The following ELF1 variants were observed in gnomAD, a reference collection of about 807,000 sequenced individuals.
The protein encoded by ELF1 is E74 like ETS transcription factor 1.
In ELF1, 24 loss-of-function variants were observed where a neutral mutation model predicts 59.9. The ratio of observed to expected loss-of-function variants is 0.40; its 90% CI spans 0.29 to 0.56. The LOEUF is 0.56. ELF1 is among the 20% of genes least tolerant of loss of function. ELF1 has a pLI of 0.44. For missense variants in ELF1, 627 were observed against 742.2 expected (o/e 0.84, Z 1.80); for synonymous variants, 248 against 266.2 (o/e 0.93, Z 0.67).
chr13:40,944,300 T>C (rs1203457551), intron 5 of ELF1, among the ~76,000 whole-genome samples: 1 of 152,242 alleles, frequency 6.6e-6, no homozygotes, highest in African/African-American at 2.4e-5. Context: ...AAATAAGCCA[T>C]ACAGTTTTGT....
At position 40,949,571 on chromosome 13, in the gene ELF1, T is replaced by TCTCAAACTCCTGGC. The variant is rs573442713; in HGVS notation, c.529+221_529+234dup. ...GGTCTTGCTTTGTTGCCCAGGCTGG[T>TCTCAAACTCCTGGC]CTCAAACTCCTGGCCTCAAACAATC... On this transcript the variant is annotated intron_variant, in intron 5 of 8. Coordinates refer to ENST00000239882, the MANE Select transcript of ELF1 (RefSeq NM_172373.4). 3.6e-3 allele frequency among the ~76,000 whole-genome samples: 545 copies of TCTCAAACTCCTGGC among 152,096 alleles called. 4 individuals carry two copies. The highest frequency in any genetic ancestry group is 4.7e-3 in the Non-Finnish European group (321 of 67,984).
At chr13:40,940,418 A>AAAAAAC (rs878999576) in intron 8 of ELF1, among the ~76,000 whole-genome samples, 1 of 140,662 alleles carries the variant, frequency 7.1e-6, no homozygotes, top group African/African-American at 2.8e-5. Flanking sequence ...AAAAAAAAAA[A>AAAAAAC]CAAACCTACT....
At chr13:40,990,292 C>CT (rs1873775840) in intron 1 of ELF1, among the ~76,000 whole-genome samples, 1 of 152,014 alleles carries the variant, frequency 6.6e-6, no homozygotes, top group South Asian at 2.1e-4. Flanking sequence ...ATGAGTAAGA[C>CT]TAAGATATTT....
At chr13:40,993,637 C>T (rs1430061810) in intron 1 of ELF1, among the ~76,000 whole-genome samples, 3 of 152,036 alleles carry the variant, frequency 2.0e-5, no homozygotes, top group African/African-American at 7.3e-5. Context: ...TGTACTACCA[C>T]ACCTGACTAA....
chr13:40,982,130 C>A lies in ELF1; in HGVS notation c.-76G>T. On this transcript the variant is annotated 5_prime_UTR_variant, in exon 2 of 9. Coordinates refer to ENST00000239882, the MANE Select transcript of ELF1 (RefSeq NM_172373.4). ...CGTATCAGGCAGCAAAATCCAGTGA[C>A]TGATTTGGGTAAAAAACCCTCAGCT... 1 of 1,569,016 alleles carries A rather than the reference C, an allele frequency of 6.4e-7. No homozygotes were observed. Among genetic ancestry groups the A allele is most frequent in the Non-Finnish European group, 8.6e-7 (1 of 1,158,980 alleles).
rs201718981 is a variant in ELF1, at chr13:41,053,704, C to T, written c.-229+7134G>A. Among the ~76,000 whole-genome samples, 169 of 152,222 alleles carry T rather than the reference C, an allele frequency of 1.1e-3. 1 individual carries two copies. The highest frequency in any genetic ancestry group is 4.0e-3 in the African/African-American group (167 of 41,534). On this transcript the variant is annotated intron_variant, in intron 1 of 1. Transcript: ENST00000405737. ...ATCTCTTAGGAAAGTTTTATTTGGT[C>T]GTGAGTCCAAAACTGAAACATTTCC...
intron 1 of ELF1, among the ~76,000 whole-genome samples, chr13:41,038,261 A>G (rs939207113): frequency 2.0e-5 from 3 of 152,140 alleles, no homozygotes; most frequent in African/African-American, 7.2e-5. Flanking sequence ...CAGTGATGAT[A>G]ATAAAAATGG....
intron 3 of ELF1, among the ~76,000 whole-genome samples, chr13:40,952,184 T>C (rs2138164225): frequency 6.6e-6 from 1 of 152,332 alleles, no homozygotes; most frequent in East Asian, 1.9e-4. Context: ...ACTATATTCC[T>C]ATTGTGTAGC....
intron 2 of ELF1, among the ~76,000 whole-genome samples, chr13:40,981,341 T>C (rs1481924314): frequency 6.6e-6 from 1 of 152,092 alleles, no homozygotes; most frequent in Non-Finnish European, 1.5e-5. Flanking sequence ...TGTGTGTGTG[T>C]GTGTTGTGGG....
At chr13:40,970,718 AT>A (rs1872485502) in intron 2 of ELF1, among the ~76,000 whole-genome samples, 1 of 152,134 alleles carries the variant, frequency 6.6e-6, no homozygotes, top group South Asian at 2.1e-4. Flanking sequence ...TAATATCCTC[AT>A]TTTTATGGAT....
chr13:40,955,673 G>C (rs1227357398), intron 3 of ELF1, among the ~76,000 whole-genome samples: 24 of 125,694 alleles, frequency 1.9e-4, no homozygotes, highest in Non-Finnish European at 3.2e-4. Context: ...CGGGAGGGAG[G>C]TGGGGGAGTC....
At chr13:41,036,368 A>G (rs1054308736) in intron 1 of ELF1, among the ~76,000 whole-genome samples, 1 of 152,248 alleles carries the variant, frequency 6.6e-6, no homozygotes, top group African/African-American at 2.4e-5. Flanking sequence ...ATGTTTTACT[A>G]TCATGACAAA....
intron 1 of ELF1, among the ~76,000 whole-genome samples, chr13:41,028,448 C>T (rs1412957753): frequency 6.6e-6 from 1 of 152,170 alleles, no homozygotes; most frequent in African/African-American, 2.4e-5. Flanking sequence ...GGTCACCCCA[C>T]CAAATAAAGA....
chr13:40,974,521 G>T (rs1352239025), intron 2 of ELF1, among the ~76,000 whole-genome samples: 1 of 152,142 alleles, frequency 6.6e-6, no homozygotes, highest in African/African-American at 2.4e-5. Context: ...TCTTAGGATT[G>T]TTGTAAGAAT....
Position 40,933,860 on chromosome 13 carries a change from C to T in ELF1, c.1425G>A (p.Gln475=), listed in dbSNP as rs1869583092. The T allele has an allele frequency of 6.2e-7, 1 of 1,614,080 alleles. No homozygotes were observed. Among genetic ancestry groups the T allele is most frequent in the African/African-American group, 1.3e-5 (1 of 74,916 alleles). ...CATTTTCTTTCAGTACTGTCATGGGCTGTGATGATGGAATGGCTTGTAAAA... is the reference window on the plus strand; with the variant it reads ...CATTTTCTTTCAGTACTGTCATGGGTTGTGATGATGGAATGGCTTGTAAAA... The part of the protein sequence containing the change: ...KFILQAIPSS[Q]PMTVLKENVM... The change falls in exon 9 of 9, where the codon CAG becomes CAA. Residue 475 remains glutamine, a synonymous_variant. Transcript: ENST00000239882.
chr13:40,936,837 C>T (rs1357777797), intron 8 of ELF1, among the ~76,000 whole-genome samples: 1 of 149,942 alleles, frequency 6.7e-6, no homozygotes, highest in African/African-American at 2.5e-5. Flanking sequence ...ATCCCAGCAA[C>T]TCGGGAGGCT....
upstream of ELF1, among the ~76,000 whole-genome samples, chr13:41,020,857 A>T (rs1875659722): frequency 6.6e-6 from 1 of 152,200 alleles, no homozygotes; most frequent in South Asian, 2.1e-4. Flanking sequence ...TAAACCTAAC[A>T]ATTTGATTAT....
chr13:40,984,226 C>T lies in ELF1; in HGVS notation c.-228-1944G>A, dbSNP rs78172338. On this transcript the variant is annotated intron_variant, in intron 1 of 8. Coordinates refer to ENST00000239882, the MANE Select transcript of ELF1 (RefSeq NM_172373.4). ...TGTACCTCCCAAACCTGTGTGCCCA[C>T]AGTGATGACAAAAAGGATTATATTG... Among the ~76,000 whole-genome samples the T allele has an allele frequency of 3.4e-4, 52 of 152,262 alleles. No homozygotes were observed. In the East Asian group the frequency reaches 9.5e-3, roughly 28 times the overall value.
At chr13:41,061,221 C>T (rs1185155597) in exon 1 of ELF1, 4 of 227,130 alleles carry the variant, frequency 1.8e-5, no homozygotes, top group African/African-American at 4.6e-5. Flanking sequence ...CAGCTGTTTG[C>T]GTTCCGGGCG....
Sources: allele counts gnomAD v4.1 joint callset (sites outside exome capture counted in the v4.1 genomes callset), GRCh38; gene constraint gnomAD v4.1.1; transcripts MANE v1.5; gene names NCBI Gene and HGNC (gene_info 2026-07-23, HGNC 2026-07-21).